Variants in PERM1 observed in about 807,000 individuals in gnomAD.
PERM1 encodes the protein PGC-1 and ERR-induced regulator in muscle protein 1.
Under a neutral mutation model 44.1 loss-of-function variants are expected in PERM1, and 45 were observed. The observed-to-expected ratio is 1.02, with a 90% CI of 0.80 to 1.31. PERM1 has a LOEUF of 1.31. Among genes scored for constraint, PERM1 ranks in the 50% most tolerant of loss-of-function variants. PERM1 has a pLI of 0.00. For synonymous variants in PERM1, 565 were observed against 477.1 expected (o/e 1.18, Z -2.40); for missense variants, 1,189 against 1,106.9 (o/e 1.07, Z -1.05).
At chr1:981,443 G>C (rs1019193066), upstream of PERM1, among the ~76,000 whole-genome samples, 1 of 152,208 alleles carries the variant, frequency 6.6e-6, no homozygotes, top group African/African-American at 2.4e-5. Context: ...CCTTCTGCCA[G>C]AGCTGTCTTT....
upstream of PERM1, among the ~76,000 whole-genome samples, chr1:981,576 G>C (rs1643793516): frequency 6.6e-6 from 1 of 152,264 alleles, no homozygotes; most frequent in South Asian, 2.1e-4. Flanking sequence ...ACAGGGCCCA[G>C]CAGGTGCCCA....
chr1:976,600 G>A (rs754987266), exon 2 of PERM1: 2 of 1,549,316 alleles, frequency 1.3e-6, no homozygotes, highest in South Asian at 2.4e-5. Context: ...GAAGGCAAAT[G>A]ATGGGACAGG....
At chr1:981,627 G>A (rs943690922), upstream of PERM1, among the ~76,000 whole-genome samples, 10 of 152,270 alleles carry the variant, frequency 6.6e-5, no homozygotes, top group Non-Finnish European at 1.5e-4. Flanking sequence ...GCTGGGCCAG[G>A]CTATTCTCTG....
At chr1:975,907 G>A (rs1314288263) in exon 3 of PERM1, 1 of 488,536 alleles carries the variant, frequency 2.0e-6, no homozygotes, top group Non-Finnish European at 3.6e-6. Context: ...GTTCTCATCT[G>A]TGAATCTGGC....
intron 1 of PERM1, 56 bp downstream of exon 2, chr1:978,825 C>A (rs761366853): frequency 2.1e-6 from 3 of 1,423,826 alleles, no homozygotes; most frequent in East Asian, 2.6e-5. Flanking sequence ...TGGCCAAGAT[C>A]CCTGGACAGT....
In PERM1 at chr1:979,091, TG is replaced by T. The variant is rs1017960343; in HGVS notation, c.1938del (p.Ile647TyrfsTer60). ...GAGATGGGCACGGGGTCTCCAGGTA[TG>T]GGGGCCGGCACAGGATCAGCTCTCG... is the stretch of plus-strand genomic sequence containing the variant. On this transcript the variant is annotated frameshift_variant, in exon 1 of 3. Coordinates refer to ENST00000433179, the Ensembl canonical transcript of PERM1. LOFTEE classifies it high-confidence loss of function. The T allele has an allele frequency of 4.5e-6, 7 of 1,549,216 alleles. No individual in the cohort carries two copies. In the African/African-American group the frequency reaches 9.6e-5, roughly 21 times the overall value.
At chr1:978,204 G>A (rs1207300654) in intron 1 of PERM1, among the ~76,000 whole-genome samples, 4 of 134,072 alleles carry the variant, frequency 3.0e-5, no homozygotes, top group Non-Finnish European at 6.3e-5. Flanking sequence ...CTCTTGGCCT[G>A]GGAACTGCCT....
At chr1:980,958 C>T in exon 1 of PERM1, 1 of 1,464,220 alleles carries the variant, frequency 6.8e-7, no homozygotes, top group Non-Finnish European at 9.0e-7. Flanking sequence ...GGAGGCCACA[C>T]TCATCGGCGG....
chr1:979,326 C>T (rs1177670196), exon 1 of PERM1: 19 of 1,529,798 alleles, frequency 1.2e-5, no homozygotes, highest in Non-Finnish European at 1.7e-5. Flanking sequence ...GCCCGACCCT[C>T]GTCACGGCAG....
intron 2 of PERM1, 98 bp downstream of exon 3, chr1:976,401 C>A: frequency 6.5e-7 from 1 of 1,530,806 alleles, no homozygotes; most frequent in South Asian, 1.2e-5. Context: ...GGGAGCAGGT[C>A]AGGGGTGAGC....
exon 2 of PERM1, chr1:976,567 A>G: frequency 6.5e-7 from 1 of 1,549,462 alleles, no homozygotes; most frequent in Non-Finnish European, 8.7e-7. Flanking sequence ...AGCTACAAAC[A>G]CCAGGCACAT....
At position 979,414 on chromosome 1, in the gene PERM1, C is replaced by A. The variant is rs1402752814; in HGVS notation, c.1616G>T (p.Gly539Val). The change falls in exon 1 of 3, where the codon GGA becomes GTA. Residue 539 changes from glycine to valine, a missense_variant. Around this residue, in one of 3 missense-constraint regions of PERM1, gnomAD observed 900 missense variants for 760.4 expected, o/e 1.18. Coordinates refer to ENST00000433179, the Ensembl canonical transcript of PERM1. ...CCCGACAGCCACAGCCTCCCAGGCT[C>A]CGGGCCCCCCGTGGGCCCCAGTTGC... The A allele has an allele frequency of 2.6e-6, 4 of 1,523,876 alleles. No individual in the cohort carries two copies. The East Asian group carries it at 7.4e-5, about 28-fold the overall frequency. The allele number at this position is 1,523,876 out of a possible 1,614,324, so 94.4% of individuals were successfully genotyped here. A position where few individuals can be genotyped will look rare whatever the true frequency, so the allele number is the denominator to read the frequency against.
Position 976,616 on chromosome 1 carries a change from G to A in PERM1, c.2158C>T (p.Arg720Trp), listed in dbSNP as rs779231299. The A allele has an allele frequency of 3.5e-5, 54 of 1,549,176 alleles. No individual in the cohort carries two copies. In the South Asian group the frequency reaches 5.8e-4, roughly 17 times the overall value. The change falls in exon 2 of 3, where the codon CGG becomes TGG. Residue 720 changes from arginine (R) to tryptophan (W), a missense_variant. Coordinates refer to ENST00000433179, the Ensembl canonical transcript of PERM1. ...AAGGCAAATGATGGGACAGGCCCCCGGAGCTCCCCTAGGACAGAAGCTCAC... is the reference window on the plus strand; with the variant it reads ...AAGGCAAATGATGGGACAGGCCCCCAGAGCTCCCCTAGGACAGAAGCTCAC...
chr1:981,654 C>A (rs2100508691), upstream of PERM1, among the ~76,000 whole-genome samples: 1 of 152,376 alleles, frequency 6.6e-6, no homozygotes, highest in African/African-American at 2.4e-5. Flanking sequence ...CCAGGTGGTG[C>A]TGGCCAGAGC....
At chr1:981,974 G>C, upstream of PERM1, 1 of 1,115,940 alleles carries the variant, frequency 9.0e-7, no homozygotes, top group Non-Finnish European at 1.2e-6. Context: ...ACTGACCTTC[G>C]CCCTCCTCTC....
chr1:980,255 C>T (rs1643756807), exon 1 of PERM1: 2 of 1,550,288 alleles, frequency 1.3e-6, no homozygotes, highest in Non-Finnish European at 8.7e-7. Flanking sequence ...GTCACAGGGA[C>T]AGGTGTAGAC....
At chr1:975,994 C>T (rs1643587166) in exon 3 of PERM1, 10 of 632,654 alleles carry the variant, frequency 1.6e-5, no homozygotes, top group Non-Finnish European at 2.6e-5. Context: ...TGGGGAGTGG[C>T]CGTGGTCACT....
chr1:979,481 C>G, exon 1 of PERM1: 1 of 1,547,790 alleles, frequency 6.5e-7, no homozygotes, highest in Non-Finnish European at 8.7e-7. Context: ...TGTCCTGAGC[C>G]TGGCTTATTG....
chr1:979,643 G>C (rs748636517), exon 1 of PERM1: 2 of 1,550,258 alleles, frequency 1.3e-6, no homozygotes, highest in Non-Finnish European at 1.7e-6. Flanking sequence ...CCAGCTCTGC[G>C]GGTGGGAGGC....
Sources: allele counts gnomAD v4.1 joint callset (sites outside exome capture counted in the v4.1 genomes callset), GRCh38; gene constraint gnomAD v4.1.1; regional missense constraint gnomAD v4.1.1; transcripts MANE v1.5; gene names NCBI Gene and HGNC (gene_info 2026-07-23, HGNC 2026-07-21).